NRDC: variants seen among roughly 807,000 people sequenced by gnomAD.
NRDC encodes the protein nardilysin convertase, also known as nardilysin.
NRDC carries 54 observed loss-of-function variants against 147.1 expected under a neutral mutation model. That is an observed-to-expected ratio of 0.37 (90% CI 0.29 to 0.46). The LOEUF is 0.46. Among genes scored for constraint, NRDC ranks in the 20% least tolerant of loss-of-function variants. NRDC has a pLI of 1.00. For synonymous variants in NRDC, 440 were observed against 482.1 expected (o/e 0.91, Z 1.14); for missense variants, 1,082 against 1,370.6 (o/e 0.79, Z 3.33).
chr1:51,864,965 A>AATTAGATTTC (rs1491531924), intron 1 of NRDC, among the ~76,000 whole-genome samples: 1 of 151,686 alleles, frequency 6.6e-6, no homozygotes, highest in African/African-American at 2.4e-5. Flanking sequence ...AAAAAAAAAA[A>AATTAGATTTC]ATTAGATTTC....
At chr1:51,805,144 G>T (rs1679405144) in intron 19 of NRDC, among the ~76,000 whole-genome samples, 1 of 152,194 alleles carries the variant, frequency 6.6e-6, no homozygotes. Context: ...CTAAGAACAG[G>T]AACAATCACA....
rs189560117 is a variant in NRDC at position 51,842,032 on chromosome 1, C to A, written c.342-1518G>T. On this transcript the variant is annotated intron_variant, in intron 1 of 30. Coordinates refer to ENST00000352171, the MANE Select transcript of NRDC (RefSeq NM_001101662.2). ...CAAAAAATACAAAAAATTAGCCTGG[C>A]ATGGTGGCATGCGCCTGTAGTCCCA... 2.6e-5 allele frequency among the ~76,000 whole-genome samples: 4 copies of A among 152,140 alleles called. No homozygotes were observed. In the East Asian group the frequency reaches 7.7e-4, roughly 29 times the overall value.
At chr1:51,864,783 C>A (rs12065949) in intron 1 of NRDC, among the ~76,000 whole-genome samples, 3 of 151,912 alleles carry the variant, frequency 2.0e-5, no homozygotes, top group Non-Finnish European at 4.4e-5. Flanking sequence ...AAAACCCTGT[C>A]TCTGCTAAAA....
intron 1 of NRDC, among the ~76,000 whole-genome samples, chr1:51,852,463 C>A (rs1571906552): frequency 8.3e-5 from 1 of 11,998 alleles, no homozygotes; most frequent in Non-Finnish European, 1.9e-4. Context: ...AATTATATAA[C>A]TATAACTATA....
At chr1:51,869,003 G>T (rs1682954652) in intron 1 of NRDC, among the ~76,000 whole-genome samples, 1 of 152,168 alleles carries the variant, frequency 6.6e-6, no homozygotes, top group African/African-American at 2.4e-5. Context: ...GTACCGGTGT[G>T]ATCATGGCTC....
At chr1:51,859,648 G>A (rs1255744860) in intron 1 of NRDC, 1 of 152,228 alleles carries the variant, frequency 6.6e-6, no homozygotes, top group Non-Finnish European at 1.5e-5. Flanking sequence ...CCCATCTTGG[G>A]TGCCATGTGG....
chr1:51,814,113 A>T, intron 13 of NRDC, 24 bp from the exon 14 acceptor site: 1 of 1,464,164 alleles, frequency 6.8e-7, no homozygotes, highest in East Asian at 2.3e-5. Context: ...AACTATAATT[A>T]GAAGATACAT....
Position 51,803,805 on chromosome 1 carries a change from T to TG in NRDC, c.2313+8dup. 1 of 1,609,696 alleles carries TG rather than the reference T, an allele frequency of 6.2e-7. No individual in the cohort carries two copies. Among genetic ancestry groups the TG allele is most frequent in the Non-Finnish European group, 8.5e-7 (1 of 1,177,718 alleles). On this transcript the variant is annotated intron_variant, in intron 20 of 30. Coordinates refer to ENST00000352171, the MANE Select transcript of NRDC (RefSeq NM_001101662.2). ...CTCTCTATAAGGAAAACAGAGTACT[T>TG]GTACTTACAGGTAGTTTGTGGTTAA...
At chr1:51,845,885 A>G (rs916530663) in intron 1 of NRDC, among the ~76,000 whole-genome samples, 2 of 152,148 alleles carry the variant, frequency 1.3e-5, no homozygotes, top group Admixed American at 1.3e-4. Context: ...TAACGCCTGG[A>G]GGGGACCTGA....
chr1:51,833,792 T>A (rs1294586203), intron 4 of NRDC, among the ~76,000 whole-genome samples: 2 of 152,112 alleles, frequency 1.3e-5, no homozygotes, highest in Non-Finnish European at 2.9e-5. Flanking sequence ...ATTTACTTAT[T>A]TTTGTAGAGA....
chr1:51,806,675 G>A, intron 18 of NRDC, 119 bp downstream of exon 18: 2 of 1,055,030 alleles, frequency 1.9e-6, no homozygotes, highest in Non-Finnish European at 2.8e-6. Context: ...GAGGCACCCA[G>A]CCCCAGCCTC....
At chr1:51,867,133 G>A (rs1682849607) in intron 1 of NRDC, among the ~76,000 whole-genome samples, 1 of 151,952 alleles carries the variant, frequency 6.6e-6, no homozygotes, top group Non-Finnish European at 1.5e-5. Flanking sequence ...ATGAGCCACT[G>A]TGCCCAGCCT....
chr1:51,849,562 A>G lies in NRDC; in HGVS notation c.342-9048T>C, dbSNP rs1475079964. Among the ~76,000 whole-genome samples, 17 of 152,160 alleles carry G rather than the reference A, an allele frequency of 1.1e-4. No homozygotes were observed. The East Asian group carries it at 3.3e-3, about 29-fold the overall frequency. ...CCGGGCACGGTGGCTCACGCCTGTA[A>G]TCCCGGCACTTTGGAAGGTGGAGGT... On this transcript the variant is annotated intron_variant, in intron 1 of 30. Transcript: ENST00000352171.
At chr1:51,850,334 C>T (rs922149515) in intron 1 of NRDC, among the ~76,000 whole-genome samples, 2 of 99,712 alleles carry the variant, frequency 2.0e-5, no homozygotes, top group Non-Finnish European at 5.7e-5. Flanking sequence ...CCATTTACTA[C>T]CACAACTCAA....
intron 14 of NRDC, 108 bp from the exon 15 acceptor site, chr1:51,812,206 C>G (rs1313299219): frequency 2.7e-6 from 2 of 749,598 alleles, no homozygotes; most frequent in Admixed American, 4.7e-5. Context: ...AAACCAAAAG[C>G]TTCTGAACAG....
At position 51,810,421 on chromosome 1, in the gene NRDC, AG is replaced by A. The variant is rs1266800554; in HGVS notation, c.1780-18del. ...ACCAATGACCTAGTAAAGTGGGAAG[AG>A]GGGAAAGAGATACACACAATTTTAA... On this transcript the variant is annotated intron_variant, in intron 15 of 30. Coordinates refer to ENST00000352171, the MANE Select transcript of NRDC (RefSeq NM_001101662.2). 1 of 1,605,502 alleles carries A rather than the reference AG, an allele frequency of 6.2e-7. No individual in the cohort carries two copies. Among genetic ancestry groups the A allele is most frequent in the Non-Finnish European group, 8.5e-7 (1 of 1,176,572 alleles).
intron 4 of NRDC, among the ~76,000 whole-genome samples, chr1:51,833,063 G>A (rs1680789247): frequency 6.6e-6 from 1 of 151,994 alleles, no homozygotes; most frequent in Admixed American, 6.6e-5. Context: ...AATATAGATG[G>A]GTCTATACCA....
At chr1:51,848,302 C>T (rs184279321) in intron 1 of NRDC, among the ~76,000 whole-genome samples, 48 of 152,220 alleles carry the variant, frequency 3.2e-4, no homozygotes, top group South Asian at 3.1e-3. Flanking sequence ...AGTGAAACCC[C>T]GTCTCTACTA....
chr1:51,807,668 C>G (rs913881588), intron 17 of NRDC, among the ~76,000 whole-genome samples: 49 of 152,128 alleles, frequency 3.2e-4, no homozygotes, highest in African/African-American at 1.2e-3. Flanking sequence ...GATCATGCCA[C>G]TGCACTCCAA....
Sources: gnomAD v4.1 joint callset for allele counts (sites outside exome capture counted in the v4.1 genomes callset) on GRCh38, gnomAD v4.1.1 for gene constraint, MANE v1.5 for transcripts, NCBI Gene and HGNC (gene_info 2026-07-23, HGNC 2026-07-21) for gene names.